Variants in JAM3 observed in about 807,000 individuals in gnomAD.
JAM3 encodes junctional adhesion molecule C.
Under a neutral mutation model 39.4 loss-of-function variants are expected in JAM3, and 31 were observed. The observed-to-expected ratio is 0.79, with a 90% CI of 0.59 to 1.06. JAM3 has a LOEUF of 1.06. Ranked by LOEUF, JAM3 falls within the 50% of genes least tolerant of loss-of-function variation. The pLI, the probability that JAM3 is intolerant of heterozygous loss-of-function variation, is 0.00. For missense variants in JAM3, 455 were observed against 391.4 expected (o/e 1.16, Z -1.37); for synonymous variants, 182 against 148.7 (o/e 1.22, Z -1.63).
At chr11:134,130,033 C>T (rs1207879179) in intron 1 of JAM3, among the ~76,000 whole-genome samples, 1 of 151,970 alleles carries the variant, frequency 6.6e-6, no homozygotes, top group Non-Finnish European at 1.5e-5. Flanking sequence ...GTATTAAAAA[C>T]GGCCCCAGAT....
chr11:134,082,465 T>G (rs1475148029), intron 1 of JAM3, among the ~76,000 whole-genome samples: 1 of 151,726 alleles, frequency 6.6e-6, no homozygotes, highest in African/African-American at 2.4e-5. Flanking sequence ...CCTTGTAATG[T>G]GGGGGGGAAC....
In JAM3 at chr11:134,149,213, G is replaced by A. The variant is rs772909517; in HGVS notation, c.*32G>A. The A allele has an allele frequency of 1.8e-5, 29 of 1,613,572 alleles. 1 individual carries two copies. Among genetic ancestry groups the A allele is most frequent in the Middle Eastern group, 1.6e-4 (1 of 6,078 alleles). On this transcript the variant is annotated 3_prime_UTR_variant, in exon 9 of 9. Transcript: ENST00000299106. ...CGGTGTGGCTGAGAGCGCACAGAGC[G>A]CACGTGCACATACCTCTGCTAGAAA...
intron 1 of JAM3, among the ~76,000 whole-genome samples, chr11:134,118,247 A>G (rs1441671333): frequency 6.6e-6 from 1 of 152,186 alleles, no homozygotes; most frequent in Admixed American, 6.5e-5. Flanking sequence ...GGAGGATTTT[A>G]TGTGTTCATC....
At chr11:134,138,553 G>A (rs1411645812) in intron 1 of JAM3, among the ~76,000 whole-genome samples, 1 of 152,176 alleles carries the variant, frequency 6.6e-6, no homozygotes, top group Non-Finnish European at 1.5e-5. Flanking sequence ...GTAGAGACTC[G>A]GAGCCTCACA....
chr11:134,112,662 A>G (rs922803015), intron 1 of JAM3, among the ~76,000 whole-genome samples: 4 of 152,136 alleles, frequency 2.6e-5, no homozygotes, highest in Non-Finnish European at 4.4e-5. Context: ...AGGTACTGCA[A>G]TTACCCCAAT....
At chr11:134,118,165 CAT>C (rs1305441518) in intron 1 of JAM3, among the ~76,000 whole-genome samples, 1 of 152,188 alleles carries the variant, frequency 6.6e-6, no homozygotes, top group Non-Finnish European at 1.5e-5. Flanking sequence ...TGCCTTGACA[CAT>C]GTTCTGTGTT....
intron 1 of JAM3, among the ~76,000 whole-genome samples, chr11:134,078,587 G>T (rs1309957239): frequency 6.6e-6 from 1 of 152,164 alleles, no homozygotes; most frequent in East Asian, 1.9e-4. Context: ...CTCGTTGTTG[G>T]AGCAGAAGGG....
chr11:134,078,788 C>T (rs867981522), intron 1 of JAM3, among the ~76,000 whole-genome samples: 4 of 152,160 alleles, frequency 2.6e-5, no homozygotes, highest in African/African-American at 9.7e-5. Context: ...CCTGTAATCC[C>T]AGCACTTTGG....
rs567054625 is a variant in JAM3, at chr11:134,146,527, G to A, written c.712+482G>A. On this transcript the variant is annotated intron_variant, in intron 6 of 8. Transcript: ENST00000299106. ...TTGAGAGGAGGGTGGGGGCAGAGAGGATGTGTCCAAATCACTTGGGGAGCT... is the reference window on the plus strand; with the variant it reads ...TTGAGAGGAGGGTGGGGGCAGAGAGAATGTGTCCAAATCACTTGGGGAGCT... 1.1e-3 allele frequency among the ~76,000 whole-genome samples: 162 copies of A among 151,966 alleles called. No individual in the cohort carries two copies. In the Middle Eastern group the frequency reaches 0.014, roughly 13 times the overall value.
intron 1 of JAM3, among the ~76,000 whole-genome samples, chr11:134,131,560 A>G (rs1304572495): frequency 6.6e-6 from 1 of 152,214 alleles, no homozygotes; most frequent in Non-Finnish European, 1.5e-5. Flanking sequence ...ACAGGAAAAC[A>G]TGGCTCATTT....
intron 1 of JAM3, among the ~76,000 whole-genome samples, chr11:134,095,985 A>G (rs182991097): frequency 6.6e-5 from 10 of 152,062 alleles, no homozygotes; most frequent in Admixed American, 5.9e-4. Flanking sequence ...TTATTTATTT[A>G]TTTGTTTTTT....
intron 1 of JAM3, among the ~76,000 whole-genome samples, chr11:134,133,157 G>A (rs116175144): frequency 4.6e-5 from 7 of 152,270 alleles, no homozygotes; most frequent in African/African-American, 1.4e-4. Context: ...TGCAGCCTTG[G>A]TGAACTCATT....
chr11:134,092,041 C>T (rs1941868718), intron 1 of JAM3, among the ~76,000 whole-genome samples: 2 of 152,088 alleles, frequency 1.3e-5, no homozygotes, highest in African/African-American at 2.4e-5. Flanking sequence ...AAGTATACTA[C>T]TCTTTTCATC....
At chr11:134,136,547 T>C (rs1942868277) in intron 1 of JAM3, among the ~76,000 whole-genome samples, 1 of 152,278 alleles carries the variant, frequency 6.6e-6, no homozygotes, top group African/African-American at 2.4e-5. Flanking sequence ...TATTTGGAAA[T>C]AGAAGAATTG....
chr11:134,151,688 T>G lies in JAM3; in HGVS notation c.*2507T>G, dbSNP rs1001422976. The stretch of plus-strand genomic sequence containing the variant: ...GTTGCTGTACACAGATGCTACAGAC[T>G]TGTACTAACACACCGTAATTTGGCA... On this transcript the variant is annotated 3_prime_UTR_variant, in exon 9 of 9. Transcript: ENST00000299106. The G allele has an allele frequency of 6.6e-6, 1 of 152,238 alleles. No homozygotes were observed. The highest frequency in any genetic ancestry group is 6.5e-5 in the Admixed American group (1 of 15,290). The allele number at this position is 152,238 out of a possible 1,614,324, so 9.4% of individuals were successfully genotyped here.
At chr11:134,144,730 GGCTTTAATAA>G in intron 4 of JAM3, 52 bp from the exon 5 acceptor site, 1 of 1,432,854 alleles carries the variant, frequency 7.0e-7, no homozygotes, top group Non-Finnish European at 9.8e-7. Context: ...ATTTCTTCTG[GGCTTTAATAA>G]GAATAGAGCC....
intron 1 of JAM3, among the ~76,000 whole-genome samples, chr11:134,124,680 A>G (rs1591796328): frequency 6.6e-6 from 1 of 152,186 alleles, no homozygotes; most frequent in South Asian, 2.1e-4. Context: ...CTTGATGCCT[A>G]ATTTTACTGG....
rs571023569 is a variant in JAM3 at position 134,148,309 on chromosome 11, C to T, written c.713-238C>T. 5.3e-5 allele frequency: 30 copies of T among 568,032 alleles called. No individual in the cohort carries two copies. The East Asian group carries it at 6.1e-4, about 12-fold the overall frequency. 35.2% of individuals were successfully genotyped at this position (568,032 alleles called of 1,614,324 possible). A position where few individuals can be genotyped will look rare whatever the true frequency, so the allele number is the denominator to read the frequency against. On this transcript the variant is annotated intron_variant, in intron 6 of 8. Transcript: ENST00000299106. ...GCCCACTTTAATACACTTTTCAGTGCGACTGCATTTCAACTGTAGAAGTCT... is the reference window on the plus strand; with the variant it reads ...GCCCACTTTAATACACTTTTCAGTGTGACTGCATTTCAACTGTAGAAGTCT...
At chr11:134,071,730 C>T (rs911091170) in intron 1 of JAM3, among the ~76,000 whole-genome samples, 6 of 152,170 alleles carry the variant, frequency 3.9e-5, no homozygotes, top group Non-Finnish European at 8.8e-5. Context: ...TTATTTGCAT[C>T]TGTTTGGACT....
Sources: gnomAD v4.1 joint callset for allele counts (sites outside exome capture counted in the v4.1 genomes callset) on GRCh38, gnomAD v4.1.1 for gene constraint, MANE v1.5 for transcripts, NCBI Gene and HGNC (gene_info 2026-07-23, HGNC 2026-07-21) for gene names.